Variants in DCC observed in about 807,000 individuals in gnomAD.
DCC encodes the protein netrin receptor DCC.
DCC carries 58 observed loss-of-function variants against 172.5 expected under a neutral mutation model. The ratio of observed to expected loss-of-function variants is 0.34; its 90% CI spans 0.27 to 0.42. DCC has a LOEUF of 0.42. Among genes scored for constraint, DCC ranks in the 10% least tolerant of loss-of-function variants. The probability of loss-of-function intolerance (pLI) is 1.00; values close to 1 mark genes in which losing one functional copy is unlikely to be tolerated. For missense variants in DCC, 1,740 were observed against 1,791.0 expected, an observed-to-expected ratio of 0.97 and a Z score of 0.51; for synonymous variants, 709 against 644.5, an observed-to-expected ratio of 1.10 and a Z score of -1.52.
At chr18:52,406,750 A>G (rs9948092) in intron 1 of DCC, among the ~76,000 whole-genome samples, 118,693 of 151,966 alleles carry the variant, frequency 0.78, 46,595 homozygotes, top group Middle Eastern at 0.83. Flanking sequence ...ACAGTTTGGG[A>G]GGTACCCTAG....
intron 9 of DCC, among the ~76,000 whole-genome samples, chr18:53,198,557 C>T (rs374722680): frequency 1.3e-5 from 2 of 151,818 alleles, no homozygotes; most frequent in South Asian, 2.1e-4. Flanking sequence ...TTTTATATGC[C>T]GTTTATTGGG....
chr18:53,444,536 C>T (rs78625951), intron 22 of DCC, among the ~76,000 whole-genome samples: 1,858 of 152,214 alleles, frequency 0.012, 14 homozygotes, highest in Non-Finnish European at 0.018. Context: ...GCCACAGCCA[C>T]CCCACCCTTC....
At chr18:52,642,045 TACTGTG>T (rs2034909521) in intron 1 of DCC, among the ~76,000 whole-genome samples, 1 of 9,390 alleles carries the variant, frequency 1.1e-4, no homozygotes, top group Non-Finnish European at 4.5e-4. Flanking sequence ...TATATATATA[TACTGTG>T]GTGTGTGTGT....
intron 7 of DCC, among the ~76,000 whole-genome samples, chr18:53,072,854 C>G (rs1042135471): frequency 2.6e-5 from 4 of 152,150 alleles, no homozygotes; most frequent in African/African-American, 4.8e-5. Flanking sequence ...CAAATCACAG[C>G]TCTATCATAT....
intron 12 of DCC, among the ~76,000 whole-genome samples, chr18:53,233,472 C>T (rs773704300): frequency 4.6e-5 from 7 of 152,184 alleles, no homozygotes; most frequent in Admixed American, 1.3e-4. Context: ...TATTTGAAGC[C>T]GATTTTTTTA....
intron 1 of DCC, among the ~76,000 whole-genome samples, chr18:52,664,813 A>G (rs1186078248): frequency 6.6e-6 from 1 of 151,986 alleles, no homozygotes; most frequent in Non-Finnish European, 1.5e-5. Flanking sequence ...TACTGATACC[A>G]TCTTCCTGTT....
intron 11 of DCC, among the ~76,000 whole-genome samples, chr18:53,209,690 C>T (rs1403530789): frequency 6.6e-6 from 1 of 152,104 alleles, no homozygotes; most frequent in Non-Finnish European, 1.5e-5. Flanking sequence ...CCCATCCATC[C>T]AATTCTGTTA....
chr18:52,962,494 T>G (rs533544004), intron 5 of DCC, among the ~76,000 whole-genome samples: 77 of 151,916 alleles, frequency 5.1e-4, no homozygotes, highest in Middle Eastern at 3.4e-3. Context: ...GGAACACTTT[T>G]ACACTGTTGG....
At chr18:52,467,600 A>C (rs1221980) in intron 1 of DCC, among the ~76,000 whole-genome samples, 31,398 of 152,064 alleles carry the variant, frequency 0.21, 4,076 homozygotes, top group Non-Finnish European at 0.29. Context: ...ATTTCTGGTT[A>C]TAGATCCTTG....
chr18:52,619,454 G>C (rs980834241), intron 1 of DCC, among the ~76,000 whole-genome samples: 11 of 152,050 alleles, frequency 7.2e-5, no homozygotes, highest in African/African-American at 2.4e-4. Context: ...TTGGTTTTTT[G>C]GTTTGTTGTT....
chr18:52,609,429 C>T (rs553805849), intron 1 of DCC, among the ~76,000 whole-genome samples: 15 of 151,786 alleles, frequency 9.9e-5, no homozygotes, highest in Non-Finnish European at 1.3e-4. Flanking sequence ...AAGCAACATT[C>T]ACTCCATTTG....
At chr18:52,820,284 G>C (rs942286465) in intron 2 of DCC, among the ~76,000 whole-genome samples, 1 of 152,118 alleles carries the variant, frequency 6.6e-6, no homozygotes, top group Non-Finnish European at 1.5e-5. Context: ...TGAAACTGAT[G>C]ATGATTTTCC....
chr18:53,525,267 A>C (rs2046442006), intron 27 of DCC, among the ~76,000 whole-genome samples: 1 of 152,100 alleles, frequency 6.6e-6, no homozygotes, highest in African/African-American at 2.4e-5. Context: ...TCCAAAATGA[A>C]ACTAAAATGC....
chr18:53,255,586 T>C (rs1568393968), intron 12 of DCC, among the ~76,000 whole-genome samples: 1 of 152,090 alleles, frequency 6.6e-6, no homozygotes, highest in Non-Finnish European at 1.5e-5. Flanking sequence ...GGTGTATATG[T>C]GCCACATTTT....
chr18:52,479,881 G>T (rs1347347872), intron 1 of DCC, among the ~76,000 whole-genome samples: 1 of 151,858 alleles, frequency 6.6e-6, no homozygotes, highest in African/African-American at 2.4e-5. Flanking sequence ...AGTATTTCAC[G>T]GACGACTTCT....
intron 5 of DCC, among the ~76,000 whole-genome samples, chr18:52,989,448 G>A (rs1242682718): frequency 1.3e-5 from 2 of 151,100 alleles, no homozygotes; most frequent in South Asian, 2.1e-4. Context: ...ACTTGAACCT[G>A]GGAGGTGGTC....
At chr18:53,450,807 A>G in intron 23 of DCC, 145 bp downstream of exon 23, 1 of 732,070 alleles carries the variant, frequency 1.4e-6, no homozygotes, top group Non-Finnish European at 2.4e-6. Context: ...TGTCTATTCC[A>G]GGCCTATCAT....
chr18:52,819,008 A>G (rs1240652380), intron 2 of DCC, among the ~76,000 whole-genome samples: 2 of 152,238 alleles, frequency 1.3e-5, no homozygotes, highest in Admixed American at 6.5e-5. Context: ...GCAAATAAGC[A>G]TTTAAGTGAA....
At chr18:52,789,929 C>G (rs551240163) in intron 2 of DCC, among the ~76,000 whole-genome samples, 1 of 152,160 alleles carries the variant, frequency 6.6e-6, no homozygotes, top group Non-Finnish European at 1.5e-5. Context: ...GGAACCATGG[C>G]TCAGGAGTCA....
Sources: allele counts gnomAD v4.1 joint callset (sites outside exome capture counted in the v4.1 genomes callset), GRCh38; gene constraint gnomAD v4.1.1; transcripts MANE v1.5; gene names NCBI Gene and HGNC (gene_info 2026-07-23, HGNC 2026-07-21).